The following CDH12 variants were observed in gnomAD, a reference collection of about 807,000 sequenced individuals.
CDH12 encodes cadherin 12, also known as cadherin-12.
In CDH12, 41 loss-of-function variants were observed where a neutral mutation model predicts 74.1. The ratio of observed to expected loss-of-function variants is 0.55; its 90% CI spans 0.43 to 0.72. The LOEUF is 0.72. CDH12 is among the 30% of genes least tolerant of loss of function. The probability of loss-of-function intolerance (pLI) is 0.00; values close to 1 mark genes in which losing one functional copy is unlikely to be tolerated. For missense variants in CDH12, 945 were observed against 977.2 expected, an observed-to-expected ratio of 0.97 and a Z score of 0.44; for synonymous variants, 399 against 355.0, an observed-to-expected ratio of 1.12 and a Z score of -1.39.
At chr5:22,494,236 T>G (rs1747009754) in intron 2 of CDH12, among the ~76,000 whole-genome samples, 1 of 152,154 alleles carries the variant, frequency 6.6e-6, no homozygotes, top group South Asian at 2.1e-4. Flanking sequence ...TTGGCGTGGG[T>G]TTTCCCCAAG....
chr5:21,801,445 C>A (rs572820269), intron 10 of CDH12, among the ~76,000 whole-genome samples: 1 of 151,932 alleles, frequency 6.6e-6, no homozygotes. Context: ...TACAATAGAA[C>A]GAATGGGAAA....
intron 1 of CDH12, among the ~76,000 whole-genome samples, chr5:22,640,678 A>T (rs909097118): frequency 7.2e-5 from 11 of 152,154 alleles, no homozygotes; most frequent in Non-Finnish European, 1.5e-4. Flanking sequence ...ACCAACCTGA[A>T]AAAATATCAT....
At chr5:22,068,209 C>T (rs1741695640) in intron 5 of CDH12, among the ~76,000 whole-genome samples, 1 of 152,116 alleles carries the variant, frequency 6.6e-6, no homozygotes, top group Admixed American at 6.5e-5. Flanking sequence ...TCAGCAGGCC[C>T]TTGATGCACA....
rs570458914 is a variant in CDH12 at position 22,234,316 on chromosome 5, G to A, written c.-332-21673C>T. Among the ~76,000 whole-genome samples, 11 of 152,220 alleles carry A rather than the reference G, an allele frequency of 7.2e-5. No homozygotes were observed. The South Asian group carries it at 2.3e-3, about 32-fold the overall frequency. On this transcript the variant is annotated intron_variant, in intron 3 of 14. Coordinates refer to ENST00000382254, the MANE Select transcript of CDH12 (RefSeq NM_004061.5). ...CAGAATTCCCACGTGTTGTGGGAAG[G>A]ACCTGGAAAGGGGGGCGTAATTGAA...
chr5:22,192,063 G>A (rs910806940), intron 4 of CDH12, among the ~76,000 whole-genome samples: 14 of 152,068 alleles, frequency 9.2e-5, no homozygotes, highest in Non-Finnish European at 1.5e-5. Flanking sequence ...AGACTCCCCA[G>A]TAGCTAGGAT....
intron 11 of CDH12, among the ~76,000 whole-genome samples, chr5:21,779,685 T>A (rs1055654254): frequency 1.3e-5 from 2 of 152,228 alleles, no homozygotes; most frequent in African/African-American, 4.8e-5. Context: ...AAACATATGC[T>A]AGTTCAATTT....
At chr5:22,570,645 G>C (rs1739495421) in intron 1 of CDH12, among the ~76,000 whole-genome samples, 1 of 152,178 alleles carries the variant, frequency 6.6e-6, no homozygotes, top group African/African-American at 2.4e-5. Context: ...CTTACACAGA[G>C]TAGATTTAGC....
intron 1 of CDH12, among the ~76,000 whole-genome samples, chr5:22,603,670 C>G (rs1323609134): frequency 6.6e-6 from 1 of 152,106 alleles, no homozygotes; most frequent in Non-Finnish European, 1.5e-5. Context: ...TTTAAATATT[C>G]TTGGAGGTCA....
intron 5 of CDH12, among the ~76,000 whole-genome samples, chr5:22,007,128 A>T (rs936387117): frequency 1.5e-4 from 23 of 152,158 alleles, no homozygotes; most frequent in Non-Finnish European, 4.4e-5. Context: ...GCATAGGAAA[A>T]ATCTAGTGTA....
chr5:21,975,077 A>G lies in CDH12; in HGVS notation c.526+14T>C, dbSNP rs367597914. 4 of 1,570,326 alleles carry G rather than the reference A, an allele frequency of 2.5e-6. No homozygotes were observed. The South Asian group carries it at 4.6e-5, about 18-fold the overall frequency. ...TCTCATTGTATCTCACAGAATTTTGATTTGCCTACTCACCCACAGGAGACA... is the reference window on the plus strand; with the variant it reads ...TCTCATTGTATCTCACAGAATTTTGGTTTGCCTACTCACCCACAGGAGACA... On this transcript the variant is annotated intron_variant, in intron 6 of 14. Coordinates refer to ENST00000382254, the MANE Select transcript of CDH12 (RefSeq NM_004061.5).
intron 3 of CDH12, among the ~76,000 whole-genome samples, chr5:22,227,234 A>G (rs972131033): frequency 6.6e-6 from 1 of 152,094 alleles, no homozygotes; most frequent in African/African-American, 2.4e-5. Context: ...AATTTGTATT[A>G]ATCCCCATCT....
At chr5:22,849,188 G>A (rs547716216) in intron 1 of CDH12, among the ~76,000 whole-genome samples, 5 of 152,056 alleles carry the variant, frequency 3.3e-5, no homozygotes, top group African/African-American at 1.2e-4. Flanking sequence ...GTTATCTGTG[G>A]GGTAATTCAA....
chr5:21,948,029 G>T (rs1420544824), intron 6 of CDH12, among the ~76,000 whole-genome samples: 1 of 152,206 alleles, frequency 6.6e-6, no homozygotes, highest in Non-Finnish European at 1.5e-5. Context: ...AAGAATTCAG[G>T]TGTGGAAACC....
intron 7 of CDH12, among the ~76,000 whole-genome samples, chr5:21,845,774 C>T (rs1359424433): frequency 6.6e-6 from 1 of 152,000 alleles, no homozygotes; most frequent in Admixed American, 6.6e-5. Context: ...TAGTTAATGT[C>T]TGGCTCAGAG....
intron 3 of CDH12, among the ~76,000 whole-genome samples, chr5:22,291,180 A>G (rs1737372800): frequency 6.6e-6 from 1 of 152,198 alleles, no homozygotes; most frequent in African/African-American, 2.4e-5. Context: ...CTTTCATTAT[A>G]AAAACACTCA....
chr5:22,223,859 T>C (rs1752098296), intron 3 of CDH12, among the ~76,000 whole-genome samples: 2 of 151,956 alleles, frequency 1.3e-5, no homozygotes, highest in Non-Finnish European at 1.5e-5. Context: ...TTGAGTATTA[T>C]CAGGGCAATT....
intron 1 of CDH12, among the ~76,000 whole-genome samples, chr5:22,521,047 C>G (rs1561464609): frequency 6.6e-6 from 1 of 151,098 alleles, no homozygotes; most frequent in Non-Finnish European, 1.5e-5. Context: ...TGTATCATGG[C>G]AGGAGGTAGG....
At chr5:22,170,191 C>A (rs1748937679) in intron 4 of CDH12, among the ~76,000 whole-genome samples, 1 of 151,716 alleles carries the variant, frequency 6.6e-6, no homozygotes, top group African/African-American at 2.4e-5. Context: ...ACGATAATAG[C>A]CAGACCTGCT....
rs548828962 is a variant in CDH12 at position 22,333,325 on chromosome 5, G to A, written c.-333+71932C>T. Among the ~76,000 whole-genome samples, 20 of 152,056 alleles carry A rather than the reference G, an allele frequency of 1.3e-4. No homozygotes were observed. The South Asian group carries it at 4.2e-3, about 32-fold the overall frequency. On this transcript the variant is annotated intron_variant, in intron 3 of 14. Coordinates refer to ENST00000382254, the MANE Select transcript of CDH12 (RefSeq NM_004061.5). ...CACTGGGGCCTCTCGGGGGGTAGGG[G>A]GCAATGGGAGGGAGAGCATTAGGAC...
Sources: allele counts gnomAD v4.1 joint callset (sites outside exome capture counted in the v4.1 genomes callset), GRCh38; gene constraint gnomAD v4.1.1; transcripts MANE v1.5; gene names NCBI Gene and HGNC (gene_info 2026-07-23, HGNC 2026-07-21).